Variants in EIF2S1 observed in about 807,000 individuals in gnomAD.
EIF2S1 encodes eukaryotic translation initiation factor 2 subunit alpha, also known as eukaryotic translation initiation factor 2 subunit 1.
Under a neutral mutation model 33.5 loss-of-function variants are expected in EIF2S1, and 5 were observed. That is an observed-to-expected ratio of 0.15 (90% CI 0.08 to 0.31). EIF2S1 has a LOEUF of 0.31. Among genes scored for constraint, EIF2S1 ranks in the 10% least tolerant of loss-of-function variants. The pLI is 1.00. For missense variants in EIF2S1, 191 were observed against 384.6 expected (o/e 0.50, Z 4.21); for synonymous variants, 99 against 127.5 (o/e 0.78, Z 1.51).
At chr14:67,370,724 T>G (rs1442252774) in intron 2 of EIF2S1, among the ~76,000 whole-genome samples, 1 of 152,216 alleles carries the variant, frequency 6.6e-6, no homozygotes, top group Non-Finnish European at 1.5e-5. Context: ...AAAAATCTTT[T>G]CATCAAGAAA....
intron 1 of EIF2S1, among the ~76,000 whole-genome samples, chr14:67,363,838 G>A (rs1183251579): frequency 3.9e-5 from 6 of 152,276 alleles, no homozygotes; most frequent in Middle Eastern, 3.4e-3. Flanking sequence ...TACTACCTAC[G>A]TTTTGAGCAG....
intron 4 of EIF2S1, among the ~76,000 whole-genome samples, chr14:67,378,348 G>A (rs1001478524): frequency 5.2e-5 from 7 of 135,412 alleles, no homozygotes; most frequent in Non-Finnish European, 7.7e-5. Flanking sequence ...GGTATATCAC[G>A]TGGTAGAAAA....
At chr14:67,361,814 CG>C (rs2085743954) in intron 1 of EIF2S1, among the ~76,000 whole-genome samples, 2 of 152,106 alleles carry the variant, frequency 1.3e-5, no homozygotes, top group Non-Finnish European at 2.9e-5. Flanking sequence ...GATTTGATGT[CG>C]GATTACTTGA....
At chr14:67,368,169 T>A (rs1380414159) in intron 2 of EIF2S1, among the ~76,000 whole-genome samples, 2 of 152,170 alleles carry the variant, frequency 1.3e-5, no homozygotes, top group African/African-American at 4.8e-5. Context: ...GTCAGAGCTT[T>A]TGTTGGAGTT....
intron 6 of EIF2S1, among the ~76,000 whole-genome samples, chr14:67,382,178 G>A (rs776830475): frequency 4.0e-5 from 6 of 151,814 alleles, no homozygotes; most frequent in Non-Finnish European, 5.9e-5. Flanking sequence ...AAAGATACAC[G>A]GAAATGATAA....
At position 67,385,370 on chromosome 14, in the gene EIF2S1, C is replaced by T. The variant is rs1381581684; in HGVS notation, c.*1930C>T. 1 of 150,796 alleles carries T rather than the reference C, an allele frequency of 6.6e-6. No individual in the cohort carries two copies. Among genetic ancestry groups the T allele is most frequent in the Non-Finnish European group, 1.5e-5 (1 of 67,786 alleles). 9.3% of individuals were successfully genotyped at this position (150,796 alleles called of 1,614,324 possible). Reference sequence around the variant, plus strand: ...ACTTAAGGGGCCAAGGCAGGAGGATCACTTGAGGCCAGTGAGCTGTGATCA... The same window carrying T: ...ACTTAAGGGGCCAAGGCAGGAGGATTACTTGAGGCCAGTGAGCTGTGATCA... On this transcript the variant is annotated 3_prime_UTR_variant, in exon 8 of 8. Coordinates refer to ENST00000256383, the MANE Select transcript of EIF2S1 (RefSeq NM_004094.5).
chr14:67,376,332 ATTG>A, intron 3 of EIF2S1, 104 bp from the exon 4 acceptor site: 1 of 1,113,086 alleles, frequency 9.0e-7, no homozygotes, highest in Non-Finnish European at 1.2e-6. Context: ...GAGATCTTTT[ATTG>A]TTAAGGAATT....
intron 4 of EIF2S1, among the ~76,000 whole-genome samples, chr14:67,378,595 T>G (rs2085870088): frequency 6.6e-6 from 1 of 152,212 alleles, no homozygotes; most frequent in Non-Finnish European, 1.5e-5. Flanking sequence ...ATTTCTGTCC[T>G]GCAGTCCTCA....
intron 2 of EIF2S1, among the ~76,000 whole-genome samples, chr14:67,366,490 T>C (rs1003148445): frequency 5.3e-5 from 8 of 152,236 alleles, no homozygotes; most frequent in Non-Finnish European, 1.2e-4. Context: ...TGTAAAGATA[T>C]TTCCATAGCA....
Position 67,382,523 on chromosome 14 carries a change from G to A in EIF2S1, c.755G>A (p.Ser252Asn), listed in dbSNP as rs199608296. Reference sequence around the variant, plus strand: ...AGAACAGAAGGCCTTTCTGTCCTCAGTCAAGCTATGGCTGTTATCAAAGAG... The same window carrying A: ...AGAACAGAAGGCCTTTCTGTCCTCAATCAAGCTATGGCTGTTATCAAAGAG... ...LERTEGLSVLSQAMAVIKEKI... is the reference protein window; with the variant it reads ...LERTEGLSVLNQAMAVIKEKI... The change falls in exon 7 of 8, where the codon AGT (serine) becomes AAT (asparagine). Residue 252 changes from serine to asparagine, a missense_variant. Physicochemically the swap from Ser to Asn is conservative, Grantham distance 46 (BLOSUM62 1). Transcript: ENST00000256383. The A allele has an allele frequency of 9.9e-6, 16 of 1,613,946 alleles. No individual in the cohort carries two copies. In the East Asian group the frequency reaches 3.3e-4, roughly 34 times the overall value.
At chr14:67,374,767 G>GT (rs1381030681) in intron 3 of EIF2S1, 4 of 358,842 alleles carry the variant, frequency 1.1e-5, no homozygotes, top group Admixed American at 9.2e-5. Flanking sequence ...AAAATACGGG[G>GT]TTTTTTTGTT....
At chr14:67,378,314 CTT>C (rs34487632) in intron 4 of EIF2S1, among the ~76,000 whole-genome samples, 1,895 of 107,570 alleles carry the variant, frequency 0.018, 29 homozygotes, top group African/African-American at 0.061. Flanking sequence ...TCTCATGTGA[CTT>C]TTTTTTTTTT....
At chr14:67,372,837 A>T (rs749995427) in intron 2 of EIF2S1, among the ~76,000 whole-genome samples, 3 of 151,788 alleles carry the variant, frequency 2.0e-5, no homozygotes, top group Non-Finnish European at 4.4e-5. Context: ...AAAAAAAAAA[A>T]CAAAAAACAA....
intron 2 of EIF2S1, among the ~76,000 whole-genome samples, chr14:67,366,576 T>A (rs1366641302): frequency 6.6e-6 from 1 of 152,214 alleles, no homozygotes; most frequent in Non-Finnish European, 1.5e-5. Flanking sequence ...TACAAATGCG[T>A]GCAATGCAAT....
At chr14:67,369,662 A>G (rs886421455) in intron 2 of EIF2S1, among the ~76,000 whole-genome samples, 3 of 152,230 alleles carry the variant, frequency 2.0e-5, no homozygotes, top group Non-Finnish European at 2.9e-5. Flanking sequence ...AATCAGTGTC[A>G]TATCTTGGGA....
chr14:67,374,083 A>T (rs984763533), intron 2 of EIF2S1, among the ~76,000 whole-genome samples: 10 of 152,190 alleles, frequency 6.6e-5, no homozygotes, highest in African/African-American at 2.2e-4. Flanking sequence ...AACAATTCAG[A>T]ATCTCTCATC....
Position 67,364,819 on chromosome 14 carries a change from G to A in EIF2S1, c.52G>A (p.Asp18Asn), listed in dbSNP as rs1175472919. The change falls in exon 2 of 8, where the codon GAT becomes AAT. Residue 18 changes from aspartate (D) to asparagine (N), a missense_variant. Physicochemically the swap from Asp to Asn is conservative, Grantham distance 23. Coordinates refer to ENST00000256383, the MANE Select transcript of EIF2S1 (RefSeq NM_004094.5). ...TCAACACAAATTTCCTGAGGTGGAA[G>A]ATGTAGTGATGGTGAATGTCAGATC... ...FYQHKFPEVE[D>N]VVMVNVRSIA... 6.2e-7 allele frequency: 1 copy of A among 1,613,974 alleles called. No individual in the cohort carries two copies.
intron 4 of EIF2S1, among the ~76,000 whole-genome samples, chr14:67,378,355 A>T (rs1034239829): frequency 5.4e-5 from 8 of 147,704 alleles, no homozygotes; most frequent in Non-Finnish European, 1.2e-4. Flanking sequence ...CACGTGGTAG[A>T]AAAGGTGGGA....
At chr14:67,370,034 C>T (rs570235508) in intron 2 of EIF2S1, among the ~76,000 whole-genome samples, 75 of 152,310 alleles carry the variant, frequency 4.9e-4, no homozygotes, top group African/African-American at 1.7e-3. Flanking sequence ...TCTATAGATA[C>T]TAAATTAACT....
Sources: allele counts gnomAD v4.1 joint callset (sites outside exome capture counted in the v4.1 genomes callset), GRCh38; gene constraint gnomAD v4.1.1; transcripts MANE v1.5; gene names NCBI Gene and HGNC (gene_info 2026-07-23, HGNC 2026-07-21).